Variants in EXOC6B observed in about 807,000 individuals in gnomAD.
EXOC6B encodes the protein exocyst complex component 6B.
Under a neutral mutation model 113.5 loss-of-function variants are expected in EXOC6B, and 54 were observed. The ratio of observed to expected loss-of-function variants is 0.48; its 90% CI spans 0.38 to 0.60. The LOEUF is 0.60. Among genes scored for constraint, EXOC6B ranks in the 20% least tolerant of loss-of-function variants. The pLI is 0.00. For missense variants in EXOC6B, 797 were observed against 977.5 expected, an observed-to-expected ratio of 0.82 and a Z score of 2.46; for synonymous variants, 357 against 339.0, an observed-to-expected ratio of 1.05 and a Z score of -0.58.
chr2:72,258,485 T>A (rs1449215624), intron 20 of EXOC6B, among the ~76,000 whole-genome samples: 1 of 148,928 alleles, frequency 6.7e-6, no homozygotes, highest in African/African-American at 2.5e-5. Flanking sequence ...CACCTTAGCC[T>A]CCTGAGTAGC....
intron 19 of EXOC6B, among the ~76,000 whole-genome samples, chr2:72,346,825 T>C (rs893141390): frequency 6.6e-6 from 1 of 152,164 alleles, no homozygotes; most frequent in African/African-American, 2.4e-5. Flanking sequence ...GATTTTCCCT[T>C]AGTATTCCAT....
At chr2:72,769,610 G>A (rs1174719630) in intron 1 of EXOC6B, among the ~76,000 whole-genome samples, 2 of 152,098 alleles carry the variant, frequency 1.3e-5, no homozygotes, top group African/African-American at 2.4e-5. Flanking sequence ...TCAGGAATTC[G>A]AGACCAGCCT....
intron 7 of EXOC6B, among the ~76,000 whole-genome samples, chr2:72,559,833 G>A (rs1411998421): frequency 6.6e-6 from 1 of 152,062 alleles, no homozygotes; most frequent in Admixed American, 6.6e-5. Context: ...GACTCTAAAG[G>A]GAAAATAAGA....
chr2:72,394,269 TTTTG>T (rs1692581258), intron 18 of EXOC6B, among the ~76,000 whole-genome samples: 2 of 152,308 alleles, frequency 1.3e-5, no homozygotes, highest in Non-Finnish European at 2.9e-5. Context: ...AGTCATATGA[TTTTG>T]TTTTTTTATT....
At chr2:72,276,011 T>C (rs1573153557) in intron 20 of EXOC6B, among the ~76,000 whole-genome samples, 1 of 152,088 alleles carries the variant, frequency 6.6e-6, no homozygotes, top group East Asian at 1.9e-4. Flanking sequence ...TTAGTAGCTA[T>C]GAAGGAAGTA....
chr2:72,473,876 A>C (rs1027001746), intron 17 of EXOC6B, among the ~76,000 whole-genome samples: 3 of 151,980 alleles, frequency 2.0e-5, no homozygotes, highest in African/African-American at 7.2e-5. Flanking sequence ...GTGTGTTTTC[A>C]TGATAGCAAA....
intron 6 of EXOC6B, among the ~76,000 whole-genome samples, chr2:72,579,087 A>G (rs1014720212): frequency 2.0e-5 from 3 of 152,168 alleles, no homozygotes; most frequent in African/African-American, 7.2e-5. Flanking sequence ...TCCAAATAAC[A>G]TTATGAGAAC....
chr2:72,292,200 TG>T (rs1685840092), intron 20 of EXOC6B, among the ~76,000 whole-genome samples: 2 of 150,338 alleles, frequency 1.3e-5, no homozygotes, highest in Non-Finnish European at 3.0e-5. Flanking sequence ...TGTGTGTGTG[TG>T]TGTGTGTGTG....
At chr2:72,601,559 T>C (rs1329738273) in intron 6 of EXOC6B, among the ~76,000 whole-genome samples, 1 of 152,166 alleles carries the variant, frequency 6.6e-6, no homozygotes, top group Non-Finnish European at 1.5e-5. Context: ...CCTCATTCAT[T>C]GCTGGTGGGA....
chr2:72,511,492 G>A (rs891642554), intron 11 of EXOC6B, among the ~76,000 whole-genome samples: 3 of 151,846 alleles, frequency 2.0e-5, no homozygotes, highest in Non-Finnish European at 4.4e-5. Context: ...ATCACTCCTT[G>A]ACCCAAACTA....
chr2:72,234,342 C>G (rs1247772020), intron 20 of EXOC6B, among the ~76,000 whole-genome samples: 6 of 152,090 alleles, frequency 3.9e-5, no homozygotes, highest in Non-Finnish European at 5.9e-5. Context: ...CTCAGCCTCC[C>G]AAAGTGCTGG....
intron 17 of EXOC6B, among the ~76,000 whole-genome samples, chr2:72,474,738 T>C (rs575298530): frequency 3.9e-5 from 6 of 152,194 alleles, no homozygotes; most frequent in Non-Finnish European, 8.8e-5. Flanking sequence ...ATCATTTAAC[T>C]TCTTTTTCTG....
At chr2:72,668,738 T>C (rs556932471) in intron 6 of EXOC6B, among the ~76,000 whole-genome samples, 187 of 152,132 alleles carry the variant, frequency 1.2e-3, no homozygotes, top group African/African-American at 4.2e-3. Flanking sequence ...GCCATAAAGA[T>C]TGGAATAACA....
chr2:72,373,830 A>C (rs56042118), intron 19 of EXOC6B, among the ~76,000 whole-genome samples: 7,547 of 152,314 alleles, frequency 0.05, 292 homozygotes, highest in Middle Eastern at 0.12. Context: ...GTGAATTAGT[A>C]TAACCACTAT....
intron 6 of EXOC6B, among the ~76,000 whole-genome samples, chr2:72,708,895 A>ATT (rs1679067732): frequency 9.7e-6 from 1 of 103,214 alleles, no homozygotes; most frequent in Non-Finnish European, 1.9e-5. Context: ...ACATCCAGCT[A>ATT]ATTTTTTTTT....
intron 6 of EXOC6B, among the ~76,000 whole-genome samples, chr2:72,711,685 T>C (rs1009506338): frequency 3.9e-5 from 6 of 152,182 alleles, no homozygotes; most frequent in Non-Finnish European, 8.8e-5. Context: ...GTATCATTAC[T>C]CTTGCACTTT....
intron 18 of EXOC6B, among the ~76,000 whole-genome samples, chr2:72,443,336 AAG>A (rs1553410767): frequency 3.1e-4 from 47 of 151,114 alleles, no homozygotes; most frequent in Admixed American, 3.0e-3. Flanking sequence ...AAAAAAAAAA[AAG>A]AAAGAAAGAA....
intron 18 of EXOC6B, among the ~76,000 whole-genome samples, chr2:72,431,429 A>G (rs1344428366): frequency 6.6e-6 from 1 of 152,044 alleles, no homozygotes; most frequent in Non-Finnish European, 1.5e-5. Context: ...TTCCTGTGTC[A>G]GCCGCCTGGA....
chr2:72,636,331 G>GGGAAGGAAGGAA (rs1413671048), intron 6 of EXOC6B, among the ~76,000 whole-genome samples: 6,744 of 80,382 alleles, frequency 0.084, 371 homozygotes, highest in Non-Finnish European at 0.11. Context: ...GAGGGAAGGA[G>GGGAAGGAAGGAA]GGAAGGAAGG....
Sources: gnomAD v4.1 joint callset for allele counts (sites outside exome capture counted in the v4.1 genomes callset) on GRCh38, gnomAD v4.1.1 for gene constraint, MANE v1.5 for transcripts, NCBI Gene and HGNC (gene_info 2026-07-23, HGNC 2026-07-21) for gene names.